SV2C: variants seen among roughly 807,000 people sequenced by gnomAD.
SV2C encodes synaptic vesicle glycoprotein 2C, also known as solute carrier family 22 member B3.
Under a neutral mutation model 79.7 loss-of-function variants are expected in SV2C, and 49 were observed. The observed-to-expected ratio is 0.61, with a 90% CI of 0.49 to 0.78. The LOEUF (loss-of-function observed/expected upper bound fraction) is 0.78, where lower values mean the gene tolerates loss of function less well. SV2C is among the 30% of genes least tolerant of loss of function. The pLI is 0.00. For synonymous variants in SV2C, 334 were observed against 333.2 expected, an observed-to-expected ratio of 1.00 and a Z score of -0.03; for missense variants, 833 against 912.9, an observed-to-expected ratio of 0.91 and a Z score of 1.13.
rs1043554372 is a variant in SV2C, at chr5:76,241,912, A to T, written c.913+32025A>T. On this transcript the variant is annotated intron_variant, in intron 4 of 12. Coordinates refer to ENST00000502798, the MANE Select transcript of SV2C (RefSeq NM_014979.4). ...TATGTGCTAACAACATAGCTTTAAA[A>T]AAAATAAAATAAAATAAAACAAAAT... is the stretch of plus-strand genomic sequence containing the variant. The T allele has an allele frequency of 7.2e-6, 5 of 698,794 alleles. No homozygotes were observed. In the African/African-American group the frequency reaches 9.1e-5, roughly 13 times the overall value. 43.3% of individuals were successfully genotyped at this position (698,794 alleles called of 1,614,324 possible).
chr5:76,026,185 G>T, the SV2C span, among the ~76,000 whole-genome samples: 1 of 132,488 alleles, frequency 7.5e-6, no homozygotes, highest in African/African-American at 2.8e-5. Flanking sequence ...GTAGAAACCA[G>T]CCTGGCAAAT....
intron 4 of SV2C, among the ~76,000 whole-genome samples, chr5:76,238,304 A>ATGTGTGTG (rs112691264): frequency 4.0e-5 from 6 of 149,536 alleles, no homozygotes; most frequent in African/African-American, 1.5e-4. Flanking sequence ...GTGTGTGTGT[A>ATGTGTGTG]TGTGTGTGTG....
At chr5:75,892,070 T>C in the SV2C span, among the ~76,000 whole-genome samples, 5 of 152,204 alleles carry the variant, frequency 3.3e-5, no homozygotes, top group East Asian at 9.7e-4. Context: ...CTGCTTTTCA[T>C]AGCATTTGGT....
rs574147771 is a variant in SV2C at position 76,282,187 on chromosome 5, G to C, written c.914-2975G>C. ...TTTATCCCACGTAAATGGCAATGCA[G>C]ATATAATAAGCAAATTGATATAATA... On this transcript the variant is annotated intron_variant, in intron 4 of 12. Transcript: ENST00000502798. Among the ~76,000 whole-genome samples, 52 of 152,320 alleles carry C rather than the reference G, an allele frequency of 3.4e-4. No homozygotes were observed. In the South Asian group the frequency reaches 0.011, roughly 31 times the overall value.
chr5:75,986,416 C>T, the SV2C span, among the ~76,000 whole-genome samples: 1 of 151,734 alleles, frequency 6.6e-6, no homozygotes, highest in Non-Finnish European at 1.5e-5. Context: ...GTACAGGTGG[C>T]TATTAGAGGC....
chr5:76,137,007 G>A (rs1051267717), intron 2 of SV2C, among the ~76,000 whole-genome samples: 1 of 152,198 alleles, frequency 6.6e-6, no homozygotes, highest in African/African-American at 2.4e-5. Flanking sequence ...GAGAGAATGA[G>A]ATGGGAGAGA....
the SV2C span, among the ~76,000 whole-genome samples, chr5:75,945,723 G>A: frequency 6.6e-6 from 1 of 151,864 alleles, no homozygotes; most frequent in African/African-American, 2.4e-5. Flanking sequence ...AATCATACGA[G>A]TATGTTCTCT....
At chr5:76,182,731 A>C (rs1453031283) in intron 2 of SV2C, among the ~76,000 whole-genome samples, 1 of 152,104 alleles carries the variant, frequency 6.6e-6, no homozygotes, top group Admixed American at 6.6e-5. Context: ...GTGTTTGGCT[A>C]TTCCTGCATT....
exon 13 of SV2C, chr5:76,353,253 A>G (rs916911850): frequency 3.2e-5 from 9 of 284,344 alleles, no homozygotes; most frequent in Non-Finnish European, 5.7e-5. Context: ...CTTTCTTTCC[A>G]TTTTTGAGGA....
intron 3 of SV2C, among the ~76,000 whole-genome samples, chr5:76,204,500 TGGAAATG>T (rs1320362434): frequency 6.6e-6 from 1 of 152,184 alleles, no homozygotes; most frequent in Non-Finnish European, 1.5e-5. Flanking sequence ...CATCTTCCAG[TGGAAATG>T]GGAAATGGAA....
the SV2C span, among the ~76,000 whole-genome samples, chr5:75,975,539 G>C: frequency 2.6e-5 from 4 of 151,984 alleles, no homozygotes; most frequent in Admixed American, 6.6e-5. Context: ...ATGTGCACTG[G>C]GTGTGAATCT....
chr5:76,050,982 T>C, the SV2C span, among the ~76,000 whole-genome samples: 1 of 152,158 alleles, frequency 6.6e-6, no homozygotes, highest in Admixed American at 6.6e-5. Context: ...TATGAATACA[T>C]ATGAAAATTT....
At chr5:75,932,053 C>T in the SV2C span, among the ~76,000 whole-genome samples, 33 of 152,282 alleles carry the variant, frequency 2.2e-4, no homozygotes, top group East Asian at 4.8e-3. Flanking sequence ...AGGCTTCCCA[C>T]GGCATTTGAA....
chr5:76,073,503 GTA>G, the SV2C span, among the ~76,000 whole-genome samples: 4,774 of 67,228 alleles, frequency 0.071, 103 homozygotes, highest in Non-Finnish European at 0.086. Context: ...GTATGTGTGT[GTA>G]TATATATATA....
At chr5:76,140,564 A>G (rs7701465) in intron 2 of SV2C, among the ~76,000 whole-genome samples, 62,027 of 152,012 alleles carry the variant, frequency 0.41, 14,736 homozygotes, top group Non-Finnish European at 0.54. Context: ...CAGGTGGAGT[A>G]TAGTGACTGG....
At chr5:76,021,353 C>A in the SV2C span, among the ~76,000 whole-genome samples, 1 of 152,084 alleles carries the variant, frequency 6.6e-6, no homozygotes, top group East Asian at 1.9e-4. Context: ...GCAACATTCC[C>A]AAGCACTGAA....
At chr5:76,148,946 T>C (rs180708710) in intron 2 of SV2C, among the ~76,000 whole-genome samples, 100 of 152,310 alleles carry the variant, frequency 6.6e-4, no homozygotes, top group African/African-American at 2.4e-3. Flanking sequence ...GAGCCTGTTT[T>C]TCCAGTCTTA....
chr5:76,284,931 A>T (rs772218313), intron 4 of SV2C, among the ~76,000 whole-genome samples: 1 of 152,112 alleles, frequency 6.6e-6, no homozygotes, highest in Non-Finnish European at 1.5e-5. Flanking sequence ...GCATACCTGC[A>T]CCCCCATACT....
chr5:76,086,602 G>A (rs1202764057), intron 1 of SV2C, among the ~76,000 whole-genome samples: 1 of 150,344 alleles, frequency 6.7e-6, no homozygotes, highest in Non-Finnish European at 1.5e-5. Flanking sequence ...TCATTTCAAT[G>A]AAGTCTGTTT....
Sources: gnomAD v4.1 joint callset for allele counts (sites outside exome capture counted in the v4.1 genomes callset) on GRCh38, gnomAD v4.1.1 for gene constraint, MANE v1.5 for transcripts, NCBI Gene and HGNC (gene_info 2026-07-23, HGNC 2026-07-21) for gene names.